Variants in TRAPPC9 observed in about 807,000 individuals in gnomAD.
TRAPPC9 encodes IKK2 binding protein.
A neutral mutation model predicts 124.0 loss-of-function variants in TRAPPC9; 83 were observed. The observed-to-expected ratio is 0.67, with a 90% CI of 0.56 to 0.80. The LOEUF is 0.80. TRAPPC9 is among the 30% of genes least tolerant of loss of function. The pLI is 0.00. For synonymous variants in TRAPPC9, 638 were observed against 617.5 expected (o/e 1.03, Z -0.49); for missense variants, 1,302 against 1,508.3 (o/e 0.86, Z 2.27).
intron 21 of TRAPPC9, among the ~76,000 whole-genome samples, chr8:139,857,905 C>G (rs1231291588): frequency 6.6e-6 from 1 of 152,250 alleles, no homozygotes; most frequent in African/African-American, 2.4e-5. Flanking sequence ...CCATCTCTAG[C>G]ACTTGTCTCC....
intron 21 of TRAPPC9, among the ~76,000 whole-genome samples, chr8:139,790,349 G>C (rs369518528): frequency 2.6e-5 from 4 of 152,174 alleles, no homozygotes; most frequent in African/African-American, 9.7e-5. Flanking sequence ...GAAACTGTGC[G>C]CTGAGAATGA....
intron 19 of TRAPPC9, among the ~76,000 whole-genome samples, chr8:139,971,584 G>A (rs116152234): frequency 1.3e-5 from 2 of 151,850 alleles, no homozygotes; most frequent in East Asian, 1.9e-4. Flanking sequence ...CTATCCCCTC[G>A]AGCCCAGTGC....
intron 7 of TRAPPC9, among the ~76,000 whole-genome samples, chr8:140,390,173 C>G (rs911428081): frequency 6.6e-6 from 1 of 151,946 alleles, no homozygotes; most frequent in African/African-American, 2.4e-5. Flanking sequence ...GCAGTAGTGG[C>G]GGGTGCCAGT....
intron 17 of TRAPPC9, chr8:140,040,185 A>T (rs1016171561): frequency 6.6e-6 from 1 of 152,000 alleles, no homozygotes; most frequent in Non-Finnish European, 1.5e-5. Context: ...ACTACTTACC[A>T]CCCAAGCCCC....
intron 21 of TRAPPC9, among the ~76,000 whole-genome samples, chr8:139,814,189 CGGCCAGG>C (rs1824656075): frequency 6.6e-6 from 1 of 152,158 alleles, no homozygotes; most frequent in Non-Finnish European, 1.5e-5. Context: ...AGGCGGTGGG[CGGCCAGG>C]GGCAGGCTGT....
intron 16 of TRAPPC9, chr8:140,238,353 A>C (rs2063772094): frequency 6.6e-6 from 1 of 152,246 alleles, no homozygotes; most frequent in South Asian, 2.1e-4. Context: ...GTTATTAGAC[A>C]GATGTCTGGG....
rs143326972 is a variant in TRAPPC9, at chr8:139,819,242, T to C, written c.3055+66637A>G. ...TATGATCTGTCACTGTCTCCCATCATCCCCAGATGGGACCATCTAGTCTAG... is the reference window on the plus strand; with the variant it reads ...TATGATCTGTCACTGTCTCCCATCACCCCCAGATGGGACCATCTAGTCTAG... On this transcript the variant is annotated intron_variant, in intron 21 of 22. Coordinates refer to ENST00000438773, the MANE Select transcript of TRAPPC9 (RefSeq NM_001160372.4). 5.2e-3 allele frequency among the ~76,000 whole-genome samples: 784 copies of C among 152,192 alleles called. 5 individuals carry two copies. Among genetic ancestry groups the C allele is most frequent in the African/African-American group, 0.017 (709 of 41,534 alleles).
At chr8:140,183,955 A>G (rs1459195462) in intron 17 of TRAPPC9, among the ~76,000 whole-genome samples, 1 of 17,014 alleles carries the variant, frequency 5.9e-5, no homozygotes, top group Non-Finnish European at 1.2e-4. Flanking sequence ...AGGAGAGGGG[A>G]GGGGAGGGAG....
intron 17 of TRAPPC9, among the ~76,000 whole-genome samples, chr8:140,069,230 G>A (rs1388852530): frequency 6.6e-6 from 1 of 152,228 alleles, no homozygotes; most frequent in Non-Finnish European, 1.5e-5. Flanking sequence ...TCTCACCACT[G>A]AGTGTAGCAG....
At position 140,023,947 on chromosome 8, in the gene TRAPPC9, G is replaced by A. The variant is rs1056486718; in HGVS notation, c.2689C>T (p.Pro897Ser). 6.2e-6 allele frequency: 10 copies of A among 1,613,930 alleles called. No homozygotes were observed. The African/African-American group carries it at 1.3e-4, about 22-fold the overall frequency. ...CAGGAAGACATTTACCTGGTTGCTGGGAGGGTGCTGACTCGGGTGAAAAAT... is the reference window on the plus strand; with the variant it reads ...CAGGAAGACATTTACCTGGTTGCTGAGAGGGTGCTGACTCGGGTGAAAAAT... ...SVFFTRVSTLPATSTRQCHLL... is the reference protein window; with the variant it reads ...SVFFTRVSTLSATSTRQCHLL... Residue 897 changes from proline to serine, a missense_variant, in exon 18 of 23, where the codon CCA becomes TCA. Around this residue, in one of 3 missense-constraint regions of TRAPPC9, gnomAD observed 640 missense variants for 679.3 expected, o/e 0.94. Coordinates refer to ENST00000438773, the MANE Select transcript of TRAPPC9 (RefSeq NM_001160372.4).
rs541723320 is a variant in TRAPPC9 at position 140,363,683 on chromosome 8, T to C, written c.1352-3490A>G. Among the ~76,000 whole-genome samples, 5 of 152,236 alleles carry C rather than the reference T, an allele frequency of 3.3e-5. No homozygotes were observed. The East Asian group carries it at 9.7e-4, about 29-fold the overall frequency. ...CACGATCTTGGTTCACTGCAACTTA[T>C]GCCTCCCAGGTTCAAGCAATTCTCC... On this transcript the variant is annotated intron_variant, in intron 8 of 22. Transcript: ENST00000438773.
At chr8:139,853,621 G>C (rs185607849) in intron 21 of TRAPPC9, among the ~76,000 whole-genome samples, 16 of 152,316 alleles carry the variant, frequency 1.1e-4, no homozygotes, top group South Asian at 6.2e-4. Context: ...GCAGGGTGGG[G>C]ATTCAGGCCT....
intron 16 of TRAPPC9, among the ~76,000 whole-genome samples, chr8:140,244,217 C>T (rs1420638305): frequency 1.3e-5 from 2 of 152,204 alleles, no homozygotes; most frequent in Non-Finnish European, 2.9e-5. Context: ...AGCTCCGCAG[C>T]AGGCAGGGCC....
chr8:140,083,742 C>T (rs927241344), intron 17 of TRAPPC9, among the ~76,000 whole-genome samples: 1 of 152,172 alleles, frequency 6.6e-6, no homozygotes, highest in Non-Finnish European at 1.5e-5. Flanking sequence ...TCTCAGCACA[C>T]TGCAACGTTT....
rs1825568083 is a variant in TRAPPC9 at position 139,825,554 on chromosome 8, C to T, written c.3055+60325G>A. Reference sequence around the variant, plus strand: ...CTCAGAGAATCTCTGCCCTTAATCCCTTTGGGATCAATTAATGTTCCCAAG... The same window carrying T: ...CTCAGAGAATCTCTGCCCTTAATCCTTTTGGGATCAATTAATGTTCCCAAG... On this transcript the variant is annotated intron_variant, in intron 21 of 22. Coordinates refer to ENST00000438773, the MANE Select transcript of TRAPPC9 (RefSeq NM_001160372.4). This position sits in a 1 kb window ranked among gnomAD's most constrained non-coding sequence, Gnocchi z 4.6. Among the ~76,000 whole-genome samples the T allele has an allele frequency of 6.6e-6, 1 of 152,198 alleles. No homozygotes were observed. Among genetic ancestry groups the T allele is most frequent in the African/African-American group, 2.4e-5 (1 of 41,458 alleles).
chr8:139,732,111 G>C lies in TRAPPC9; in HGVS notation c.3147C>G (p.Asn1049Lys). 4 of 1,607,168 alleles carry C rather than the reference G, an allele frequency of 2.5e-6. No homozygotes were observed. Among genetic ancestry groups the C allele is most frequent in the Non-Finnish European group, 3.4e-6 (4 of 1,177,380 alleles). ...DPVRLEVRLTNRSPRSVGPFA... is the reference protein window; with the variant it reads ...DPVRLEVRLTKRSPRSVGPFA... Reference sequence around the variant, plus strand: ...AGGGCCCTACGCTGCGCGGGCTCCGGTTGGTCAGCCGCACCTCCAGGCGCA... The same window carrying C: ...AGGGCCCTACGCTGCGCGGGCTCCGCTTGGTCAGCCGCACCTCCAGGCGCA... The change falls in exon 22 of 23, where the codon AAC (asparagine) becomes AAG (lysine). Residue 1049 changes from asparagine (N) to lysine (K), a missense_variant. Around this residue, in one of 3 missense-constraint regions of TRAPPC9, gnomAD observed 640 missense variants for 679.3 expected, o/e 0.94. Coordinates refer to ENST00000438773, the MANE Select transcript of TRAPPC9 (RefSeq NM_001160372.4).
chr8:140,233,623 C>CACACACACACACACACACACA (rs1554648047), intron 16 of TRAPPC9, among the ~76,000 whole-genome samples: 2 of 90,862 alleles, frequency 2.2e-5, no homozygotes, highest in African/African-American at 8.7e-5. Context: ...TCTCTCCCCA[C>CACACACACACACACACACACA]CACACACACA....
At chr8:140,287,169 T>C (rs944061823) in intron 13 of TRAPPC9, among the ~76,000 whole-genome samples, 1 of 152,050 alleles carries the variant, frequency 6.6e-6, no homozygotes, top group Non-Finnish European at 1.5e-5. Flanking sequence ...AACTGAAAAG[T>C]AGGCCCTGTA....
At chr8:140,370,128 G>GTT (rs35915091) in intron 8 of TRAPPC9, among the ~76,000 whole-genome samples, 1 of 148,128 alleles carries the variant, frequency 6.8e-6, no homozygotes. Context: ...CCTCAAAAAT[G>GTT]TTTTTTTTTT....
Sources: allele counts gnomAD v4.1 joint callset (sites outside exome capture counted in the v4.1 genomes callset), GRCh38; gene constraint gnomAD v4.1.1; regional missense constraint gnomAD v4.1.1; non-coding constraint Gnocchi (gnomAD v3.1); transcripts MANE v1.5; gene names NCBI Gene and HGNC (gene_info 2026-07-23, HGNC 2026-07-21).